EPHA6: variants seen among roughly 807,000 people sequenced by gnomAD.
EPHA6 encodes ephrin type-A receptor 6.
In EPHA6, 50 loss-of-function variants were observed where a neutral mutation model predicts 112.0. The ratio of observed to expected loss-of-function variants is 0.45; its 90% confidence interval spans 0.36 to 0.56. The LOEUF is 0.56. EPHA6 is among the 20% of genes least tolerant of loss of function. The pLI is 0.00. For missense variants in EPHA6, 1,280 were observed against 1,417.4 expected (o/e 0.90, Z 1.56); for synonymous variants, 529 against 490.7 (o/e 1.08, Z -1.03).
In EPHA6 at chr3:97,271,807, A is replaced by T. The variant is rs998438386; in HGVS notation, c.1606+27520A>T. Among the ~76,000 whole-genome samples, 5 of 152,204 alleles carry T rather than the reference A, an allele frequency of 3.3e-5. No individual in the cohort carries two copies. The East Asian group carries it at 9.7e-4, about 29-fold the overall frequency. ...AGTCAAAAATGGCCACTTCCTTTTT[A>T]TTTTTTATTGTATGTAAGGTATACA... On this transcript the variant is annotated intron_variant, in intron 5 of 17. Transcript: ENST00000389672.
Position 97,327,923 on chromosome 3 carries a change from G to GTGTA in EPHA6, c.1607-77227_1607-77226insTGTA, listed in dbSNP as rs548452111. 1.7e-3 allele frequency among the ~76,000 whole-genome samples: 198 copies of GTGTA among 119,264 alleles called. 8 individuals carry two copies. In the East Asian group the frequency reaches 0.04, roughly 24 times the overall value. 78.2% of individuals were successfully genotyped at this position (119,264 alleles called of 152,430 possible). ...TATGTGTGTATATATATGTATATGT[G>GTGTA]CATATATATGTATATGTGTATGTAT... On this transcript the variant is annotated intron_variant, in intron 5 of 17. Transcript: ENST00000389672.
Position 97,689,774 on chromosome 3 carries a change from C to A in EPHA6, c.2785-30487C>A, listed in dbSNP as rs766754890. Among the ~76,000 whole-genome samples the A allele has an allele frequency of 1.3e-5, 2 of 152,196 alleles. 1 individual carries two copies. The highest frequency in any genetic ancestry group is 6.8e-3 in the Middle Eastern group (2 of 294). ...ACATTGTCACACCCCCCCTAAAAATCTCATACCCATTAGCAGTCATTCCCC... is the reference window on the plus strand; with the variant it reads ...ACATTGTCACACCCCCCCTAAAAATATCATACCCATTAGCAGTCATTCCCC... On this transcript the variant is annotated intron_variant, in intron 14 of 17. Transcript: ENST00000389672.
At chr3:97,191,837 G>A (rs1295268966) in intron 3 of EPHA6, among the ~76,000 whole-genome samples, 1 of 152,092 alleles carries the variant, frequency 6.6e-6, no homozygotes, top group East Asian at 1.9e-4. Flanking sequence ...CTTCTTTGGG[G>A]TATATATCTA....
chr3:97,156,105 A>G (rs1234724118), intron 3 of EPHA6, among the ~76,000 whole-genome samples: 1 of 152,178 alleles, frequency 6.6e-6, no homozygotes, highest in African/African-American at 2.4e-5. Context: ...ACAAATGTGA[A>G]GTTATTTTAT....
At chr3:97,079,070 A>G (rs1465165201) in intron 3 of EPHA6, among the ~76,000 whole-genome samples, 1 of 152,224 alleles carries the variant, frequency 6.6e-6, no homozygotes, top group Admixed American at 6.5e-5. Flanking sequence ...GTATATGTTC[A>G]TTGCAACACT....
intron 5 of EPHA6, among the ~76,000 whole-genome samples, chr3:97,254,848 A>C (rs1426806246): frequency 2.0e-5 from 3 of 152,180 alleles, no homozygotes; most frequent in Admixed American, 6.5e-5. Flanking sequence ...TTGTTAGCTT[A>C]TTTAAGAGGA....
chr3:97,482,187 C>A lies in EPHA6; in HGVS notation c.2075-1747C>A, dbSNP rs918718349. ...TCTTATTCTATAGAAATGTGTACCA[C>A]CTTAAATAATTGAATAGTTTAATAG... On this transcript the variant is annotated intron_variant, in intron 9 of 17. Coordinates refer to ENST00000389672, the MANE Select transcript of EPHA6 (RefSeq NM_001080448.3). Among the ~76,000 whole-genome samples the A allele has an allele frequency of 2.0e-5, 3 of 152,126 alleles. No homozygotes were observed. In the East Asian group the frequency reaches 5.8e-4, roughly 29 times the overall value.
At chr3:97,460,945 G>A (rs146813487) in intron 7 of EPHA6, among the ~76,000 whole-genome samples, 2 of 152,122 alleles carry the variant, frequency 1.3e-5, no homozygotes, top group East Asian at 3.9e-4. Flanking sequence ...ATCTAAGACA[G>A]ATAATAAGAG....
intron 14 of EPHA6, among the ~76,000 whole-genome samples, chr3:97,685,802 A>G (rs998395095): frequency 2.6e-5 from 4 of 152,208 alleles, no homozygotes; most frequent in African/African-American, 9.6e-5. Context: ...CTTTTAACAC[A>G]TGGTAATATA....
chr3:97,224,454 C>T (rs1364947173), intron 3 of EPHA6, among the ~76,000 whole-genome samples: 1 of 152,102 alleles, frequency 6.6e-6, no homozygotes, highest in Non-Finnish European at 1.5e-5. Context: ...CTTGTTTTAG[C>T]TACCAAAGAA....
In EPHA6 at chr3:97,133,198, A is replaced by G. The variant is rs185872658; in HGVS notation, c.1115-93066A>G. On this transcript the variant is annotated intron_variant, in intron 3 of 17. Coordinates refer to ENST00000389672, the MANE Select transcript of EPHA6 (RefSeq NM_001080448.3). ...GCAGCCAGAGTCATATGACTGAAAT[A>G]GGCAGACAAAGTAGGAAAGTGATGT... 1.1e-4 allele frequency among the ~76,000 whole-genome samples: 16 copies of G among 152,162 alleles called. No homozygotes were observed. The East Asian group carries it at 2.3e-3, about 22-fold the overall frequency.
At chr3:97,076,678 G>A (rs2046537157) in intron 3 of EPHA6, among the ~76,000 whole-genome samples, 1 of 152,164 alleles carries the variant, frequency 6.6e-6, no homozygotes, top group Admixed American at 6.6e-5. Flanking sequence ...TACAGCTAGA[G>A]AGAAGTCAAT....
At chr3:97,581,107 C>T (rs1166041997) in intron 11 of EPHA6, among the ~76,000 whole-genome samples, 1 of 152,210 alleles carries the variant, frequency 6.6e-6, no homozygotes, top group Non-Finnish European at 1.5e-5. Flanking sequence ...AAGATCGTCT[C>T]TCTGTCTGTC....
At chr3:96,831,114 TA>T (rs1217402896) in intron 1 of EPHA6, among the ~76,000 whole-genome samples, 1 of 152,200 alleles carries the variant, frequency 6.6e-6, no homozygotes, top group African/African-American at 2.4e-5. Context: ...AATCAGAAGC[TA>T]ATAGTTATGA....
At position 97,751,776 on chromosome 3, in the gene EPHA6, A is replaced by C. The variant is rs1426508796; in HGVS notation, c.*3075A>C. Among the ~76,000 whole-genome samples, 1 of 152,146 alleles carries C rather than the reference A, an allele frequency of 6.6e-6. No homozygotes were observed. Among genetic ancestry groups the C allele is most frequent in the African/African-American group, 2.4e-5 (1 of 41,446 alleles). ...TTCAGGAATAATCTTTGATACCTAA[A>C]ATATGCATATAGACTCACATACCTA... On this transcript the variant is annotated 3_prime_UTR_variant, in exon 18 of 18. Transcript: ENST00000389672.
chr3:96,824,586 C>T (rs983313232), intron 1 of EPHA6, among the ~76,000 whole-genome samples: 2 of 151,988 alleles, frequency 1.3e-5, no homozygotes, highest in African/African-American at 2.4e-5. Context: ...TGTTGAGAAA[C>T]AGGAAACACA....
At chr3:97,677,440 G>C (rs1283959273) in intron 14 of EPHA6, among the ~76,000 whole-genome samples, 2 of 152,116 alleles carry the variant, frequency 1.3e-5, no homozygotes, top group African/African-American at 2.4e-5. Flanking sequence ...AAAATGTGAG[G>C]CCAGGCATGG....
intron 11 of EPHA6, among the ~76,000 whole-genome samples, chr3:97,548,595 A>T (rs2092989802): frequency 6.6e-6 from 1 of 152,152 alleles, no homozygotes; most frequent in African/African-American, 2.4e-5. Context: ...TCTACAGAAG[A>T]GCTCTATTTC....
At chr3:96,859,498 C>G (rs1008159097) in intron 1 of EPHA6, among the ~76,000 whole-genome samples, 1 of 151,870 alleles carries the variant, frequency 6.6e-6, no homozygotes, top group Middle Eastern at 3.4e-3. Flanking sequence ...ACTCTCATCT[C>G]AGCCTCCTGA....
Sources: allele counts gnomAD v4.1 joint callset (sites outside exome capture counted in the v4.1 genomes callset), GRCh38; gene constraint gnomAD v4.1.1; transcripts MANE v1.5; gene names NCBI Gene and HGNC (gene_info 2026-07-23, HGNC 2026-07-21).